Variants in WLS observed in about 807,000 individuals in gnomAD.
WLS encodes the protein protein wntless homolog.
A neutral mutation model predicts 62.8 loss-of-function variants in WLS; 23 were observed. The observed-to-expected ratio is 0.37, with a 90% CI of 0.26 to 0.52. The LOEUF is 0.52. Among genes scored for constraint, WLS ranks in the 20% least tolerant of loss-of-function variants. The probability of loss-of-function intolerance (pLI) is 0.92; values close to 1 mark genes in which losing one functional copy is unlikely to be tolerated. For missense variants in WLS, 615 were observed against 697.3 expected (o/e 0.88, Z 1.33); for synonymous variants, 246 against 244.1 (o/e 1.01, Z -0.07).
chr1:68,125,930 G>C lies in WLS; in HGVS notation c.*296C>G, dbSNP rs1415004938. ...CACCCCCACCCCACCCCCACATGAGGTTTACTAACCAGCTGCTACAGATGT... is the reference window on the plus strand; with the variant it reads ...CACCCCCACCCCACCCCCACATGAGCTTTACTAACCAGCTGCTACAGATGT... On this transcript the variant is annotated 3_prime_UTR_variant, in exon 12 of 12. Coordinates refer to ENST00000262348, the MANE Select transcript of WLS (RefSeq NM_024911.7). The C allele has an allele frequency of 2.7e-6, 3 of 1,126,520 alleles. No homozygotes were observed. In the African/African-American group the frequency reaches 4.8e-5, roughly 18 times the overall value. 69.8% of individuals were successfully genotyped at this position (1,126,520 alleles called of 1,614,324 possible).
At chr1:68,163,246 C>A (rs1350961337) in intron 2 of WLS, among the ~76,000 whole-genome samples, 1 of 152,228 alleles carries the variant, frequency 6.6e-6, no homozygotes, top group Non-Finnish European at 1.5e-5. Flanking sequence ...ATAGTTCACA[C>A]GATGGGCTGT....
chr1:68,164,262 A>AT (rs3053539), intron 2 of WLS, among the ~76,000 whole-genome samples: 8,981 of 148,146 alleles, frequency 0.061, 432 homozygotes, highest in African/African-American at 0.14. Flanking sequence ...AAGAGATTTC[A>AT]TTTTTTTTTT....
At chr1:68,144,682 T>A in intron 9 of WLS, 30 bp from the exon 10 acceptor site, 1 of 1,542,782 alleles carries the variant, frequency 6.5e-7, no homozygotes, top group South Asian at 1.1e-5. Context: ...AGTTTAATAC[T>A]CCATCAGCTA....
At position 68,125,372 on chromosome 1, in the gene WLS, G is replaced by A; in HGVS notation, c.*854C>T. On this transcript the variant is annotated 3_prime_UTR_variant, in exon 12 of 12. Coordinates refer to ENST00000262348, the MANE Select transcript of WLS (RefSeq NM_024911.7). The stretch of plus-strand genomic sequence containing the variant: ...GCACGCATGTGTATGAGTTTTAGCA[G>A]GAGGGGATATGCATGTACACATATG... The A allele has an allele frequency of 1.0e-6, 1 of 985,402 alleles. No homozygotes were observed. The highest frequency in any genetic ancestry group is 1.2e-6 in the Non-Finnish European group (1 of 829,932). 61.0% of individuals were successfully genotyped at this position (985,402 alleles called of 1,614,324 possible).
intron 10 of WLS, among the ~76,000 whole-genome samples, chr1:68,143,924 A>G (rs1012818374): frequency 2.6e-5 from 4 of 152,236 alleles, no homozygotes; most frequent in Admixed American, 6.5e-5. Context: ...CTCCAAAGCT[A>G]TTAGATATCA....
At chr1:68,225,298 G>T (rs1191507569) in intron 1 of WLS, among the ~76,000 whole-genome samples, 1 of 151,942 alleles carries the variant, frequency 6.6e-6, no homozygotes, top group African/African-American at 2.4e-5. Context: ...TTTATGAGAA[G>T]AAAACTTAGA....
chr1:68,227,724 C>T (rs981726557), intron 1 of WLS, among the ~76,000 whole-genome samples: 3 of 152,104 alleles, frequency 2.0e-5, no homozygotes, highest in Non-Finnish European at 4.4e-5. Context: ...TATGACTTAA[C>T]ATCAACCAAA....
At chr1:68,195,111 T>A (rs1468049927) in intron 1 of WLS, among the ~76,000 whole-genome samples, 1 of 152,222 alleles carries the variant, frequency 6.6e-6, no homozygotes, top group Non-Finnish European at 1.5e-5. Context: ...TTAAATTGTG[T>A]AACTTTAAAA....
chr1:68,231,355 G>A (rs1650410215), intron 1 of WLS, among the ~76,000 whole-genome samples: 1 of 152,160 alleles, frequency 6.6e-6, no homozygotes, highest in East Asian at 1.9e-4. Context: ...GGCTGTGGTG[G>A]GAGCTGAGGG....
At chr1:68,228,656 T>C (rs997927960) in intron 1 of WLS, among the ~76,000 whole-genome samples, 39 of 151,856 alleles carry the variant, frequency 2.6e-4, no homozygotes, top group African/African-American at 8.7e-4. Flanking sequence ...ATATTTAGAA[T>C]GTATTTAGAT....
At chr1:68,205,011 A>G (rs1649224240) in intron 1 of WLS, among the ~76,000 whole-genome samples, 1 of 152,234 alleles carries the variant, frequency 6.6e-6, no homozygotes, top group Non-Finnish European at 1.5e-5. Context: ...GTCATAATAA[A>G]CATATTAATG....
intron 2 of WLS, among the ~76,000 whole-genome samples, chr1:68,172,691 C>T (rs1383661416): frequency 6.6e-6 from 1 of 152,088 alleles, no homozygotes; most frequent in East Asian, 1.9e-4. Context: ...GCTCACCCTA[C>T]TGAGAAGAGG....
intron 11 of WLS, among the ~76,000 whole-genome samples, chr1:68,099,387 A>G (rs1253355857): frequency 2.6e-5 from 4 of 152,176 alleles, no homozygotes; most frequent in Non-Finnish European, 2.9e-5. Context: ...TGTATACTCA[A>G]TAAAGTTGAG....
chr1:68,103,510 T>C (rs563297557), intron 11 of WLS, among the ~76,000 whole-genome samples: 1 of 152,200 alleles, frequency 6.6e-6, no homozygotes, highest in Non-Finnish European at 1.5e-5. Context: ...TCTCTTCTTA[T>C]GGATTCAAGT....
Position 68,181,822 on chromosome 1 carries a change from A to G in WLS, c.379+12133T>C, listed in dbSNP as rs146769808. Among the ~76,000 whole-genome samples the G allele has an allele frequency of 6.2e-3, 947 of 152,356 alleles. 7 individuals carry two copies. The highest frequency in any genetic ancestry group is 9.3e-3 in the Non-Finnish European group (635 of 68,036). Reference sequence around the variant, plus strand: ...CCCATTTGCAAACCTGACAAGAACCACAAACACTCTTACTTCAAAAATGCA... The same window carrying G: ...CCCATTTGCAAACCTGACAAGAACCGCAAACACTCTTACTTCAAAAATGCA... On this transcript the variant is annotated intron_variant, in intron 2 of 11. Transcript: ENST00000262348.
chr1:68,124,396 C>T (rs1016009100), downstream of WLS, among the ~76,000 whole-genome samples: 1 of 152,188 alleles, frequency 6.6e-6, no homozygotes, highest in Non-Finnish European at 1.5e-5. Flanking sequence ...CAGGCCTGAT[C>T]GCCGACCTTA....
At chr1:68,169,117 T>C (rs550622839) in intron 2 of WLS, among the ~76,000 whole-genome samples, 4 of 152,362 alleles carry the variant, frequency 2.6e-5, no homozygotes, top group African/African-American at 9.6e-5. Flanking sequence ...CTTCCACATG[T>C]AAGAAAACAT....
At chr1:68,188,703 G>C (rs894397876) in intron 2 of WLS, among the ~76,000 whole-genome samples, 8 of 152,232 alleles carry the variant, frequency 5.3e-5, no homozygotes, top group Non-Finnish European at 1.0e-4. Flanking sequence ...AATCACAAGA[G>C]AGGAAGAGGC....
chr1:68,112,948 G>A (rs1167510611), intron 11 of WLS, among the ~76,000 whole-genome samples: 8 of 152,224 alleles, frequency 5.3e-5, no homozygotes, highest in African/African-American at 1.9e-4. Context: ...CAGTGAGAGC[G>A]TCAGAACAAG....
Sources: gnomAD v4.1 joint callset for allele counts (sites outside exome capture counted in the v4.1 genomes callset) on GRCh38, gnomAD v4.1.1 for gene constraint, MANE v1.5 for transcripts, NCBI Gene and HGNC (gene_info 2026-07-23, HGNC 2026-07-21) for gene names.